GRM8: variants seen among roughly 807,000 people sequenced by gnomAD.
The protein encoded by GRM8 is glutamate metabotropic receptor 8.
GRM8 carries 47 observed loss-of-function variants against 87.2 expected under a neutral mutation model. The ratio of observed to expected loss-of-function variants is 0.54; its 90% CI spans 0.43 to 0.69. The LOEUF is 0.69. GRM8 is among the 30% of genes least tolerant of loss of function. The probability of loss-of-function intolerance (pLI) is 0.00; values close to 1 mark genes in which losing one functional copy is unlikely to be tolerated. For missense variants in GRM8, 1,019 were observed against 1,139.2 expected (o/e 0.89, Z 1.52); for synonymous variants, 396 against 404.5 (o/e 0.98, Z 0.25).
At chr7:127,017,325 A>C (rs547658666) in intron 3 of GRM8, among the ~76,000 whole-genome samples, 1 of 152,148 alleles carries the variant, frequency 6.6e-6, no homozygotes, top group African/African-American at 2.4e-5. Context: ...TATATAAATG[A>C]GTGTACTGCT....
At chr7:126,898,574 T>G (rs546875140) in intron 6 of GRM8, among the ~76,000 whole-genome samples, 6 of 152,302 alleles carry the variant, frequency 3.9e-5, no homozygotes, top group African/African-American at 1.2e-4. Flanking sequence ...CTAGAAATAG[T>G]TCTAATTGGA....
At chr7:127,127,816 G>T (rs1827454705) in intron 2 of GRM8, among the ~76,000 whole-genome samples, 1 of 151,966 alleles carries the variant, frequency 6.6e-6, no homozygotes, top group Non-Finnish European at 1.5e-5. Context: ...AATAATCAAT[G>T]CCTGGTCTCT....
intron 6 of GRM8, among the ~76,000 whole-genome samples, chr7:126,838,310 G>A (rs565656278): frequency 6.6e-6 from 1 of 152,142 alleles, no homozygotes; most frequent in Non-Finnish European, 1.5e-5. Context: ...TAAAACATGG[G>A]CAGTAAGACT....
chr7:126,675,123 C>T (rs924927666), intron 7 of GRM8, among the ~76,000 whole-genome samples: 9 of 152,156 alleles, frequency 5.9e-5, no homozygotes, highest in Admixed American at 5.9e-4. Flanking sequence ...TCAGTAGTTA[C>T]CTTTGGTTTG....
chr7:126,576,683 C>T (rs1421723901), intron 8 of GRM8, among the ~76,000 whole-genome samples: 1 of 152,188 alleles, frequency 6.6e-6, no homozygotes, highest in Non-Finnish European at 1.5e-5. Context: ...GACTGACTCT[C>T]ATCTCTTTTT....
intron 8 of GRM8, among the ~76,000 whole-genome samples, chr7:126,541,614 G>A (rs768575241): frequency 3.0e-4 from 45 of 152,224 alleles, no homozygotes; most frequent in Admixed American, 2.0e-4. Flanking sequence ...AGTCAATCAC[G>A]CTGAGGCTGT....
At chr7:127,110,617 TA>T (rs56242958) in intron 2 of GRM8, among the ~76,000 whole-genome samples, 29 of 151,840 alleles carry the variant, frequency 1.9e-4, no homozygotes, top group African/African-American at 4.8e-4. Context: ...CCTCTTTTTT[TA>T]AAAAAAAATT....
chr7:126,768,139 A>G (rs1479334415), intron 7 of GRM8, among the ~76,000 whole-genome samples: 1 of 152,040 alleles, frequency 6.6e-6, no homozygotes, highest in Non-Finnish European at 1.5e-5. Context: ...TATTAGGGAA[A>G]TGTCCACTAT....
chr7:126,477,286 T>A (rs1195497482), intron 9 of GRM8, among the ~76,000 whole-genome samples: 2 of 152,164 alleles, frequency 1.3e-5, no homozygotes, highest in East Asian at 3.9e-4. Flanking sequence ...AAGTTTCAGT[T>A]ATATAATAAA....
At chr7:126,440,660 C>G (rs1330194829) in intron 10 of GRM8, among the ~76,000 whole-genome samples, 1 of 152,004 alleles carries the variant, frequency 6.6e-6, no homozygotes, top group African/African-American at 2.4e-5. Flanking sequence ...CAATTCAGGA[C>G]AGTAACATGC....
intron 2 of GRM8, among the ~76,000 whole-genome samples, chr7:127,231,696 G>A (rs1388817922): frequency 6.6e-6 from 1 of 152,032 alleles, no homozygotes; most frequent in Non-Finnish European, 1.5e-5. Context: ...TTCATCTGGT[G>A]CAGGCCTGTG....
intron 6 of GRM8, among the ~76,000 whole-genome samples, chr7:126,885,874 A>G (rs1169125404): frequency 2.0e-5 from 3 of 152,166 alleles, no homozygotes; most frequent in Admixed American, 2.0e-4. Flanking sequence ...TTTCTTATCT[A>G]AATCCAAAGG....
intron 9 of GRM8, among the ~76,000 whole-genome samples, chr7:126,472,405 G>T (rs947260183): frequency 3.3e-5 from 5 of 152,094 alleles, no homozygotes; most frequent in African/African-American, 1.2e-4. Context: ...AAGGGTTGTT[G>T]AATTTTGTCA....
intron 3 of GRM8, among the ~76,000 whole-genome samples, chr7:127,023,876 A>T (rs998065899): frequency 2.0e-4 from 30 of 152,208 alleles, no homozygotes; most frequent in Non-Finnish European, 1.5e-5. Context: ...CAAAATTTCT[A>T]AATATTAAAA....
intron 3 of GRM8, among the ~76,000 whole-genome samples, chr7:126,967,210 A>C (rs1375615004): frequency 6.6e-6 from 1 of 152,082 alleles, no homozygotes; most frequent in Non-Finnish European, 1.5e-5. Flanking sequence ...TATATCATGT[A>C]TCAAGATTAT....
chr7:126,593,419 C>T (rs1437692588), intron 8 of GRM8, among the ~76,000 whole-genome samples: 1 of 151,858 alleles, frequency 6.6e-6, no homozygotes, highest in Non-Finnish European at 1.5e-5. Context: ...ACCAATGGAA[C>T]AGAATAGAGA....
chr7:126,686,819 A>T (rs1007370611), intron 7 of GRM8, among the ~76,000 whole-genome samples: 1 of 152,312 alleles, frequency 6.6e-6, no homozygotes, highest in Admixed American at 6.5e-5. Flanking sequence ...CAAAGGTGCC[A>T]CCAGCCATAG....
chr7:126,670,373 A>G (rs1012279050), intron 7 of GRM8, among the ~76,000 whole-genome samples: 1 of 152,176 alleles, frequency 6.6e-6, no homozygotes, highest in Admixed American at 6.5e-5. Context: ...TTGGTGGATA[A>G]TACTAATATA....
At chr7:126,706,551 G>C (rs953453197) in intron 7 of GRM8, among the ~76,000 whole-genome samples, 4 of 152,140 alleles carry the variant, frequency 2.6e-5, no homozygotes, top group African/African-American at 4.8e-5. Context: ...ACATTAGGAA[G>C]AGTAGTCTGC....
Sources: allele counts gnomAD v4.1 joint callset (sites outside exome capture counted in the v4.1 genomes callset), GRCh38; gene constraint gnomAD v4.1.1; transcripts MANE v1.5; gene names NCBI Gene and HGNC (gene_info 2026-07-23, HGNC 2026-07-21).